LOXHD1: variants seen among roughly 807,000 people sequenced by gnomAD.
The protein encoded by LOXHD1 is lipoxygenase homology PLAT domains 1.
In LOXHD1, 205 loss-of-function variants were observed where a neutral mutation model predicts 248.2. The observed-to-expected ratio is 0.83, with a 90% CI of 0.74 to 0.93. LOXHD1 has a LOEUF of 0.93. Among genes scored for constraint, LOXHD1 ranks in the 40% least tolerant of loss-of-function variants. The pLI, the probability that LOXHD1 is intolerant of heterozygous loss-of-function variation, is 0.00. For missense variants in LOXHD1, 2,930 were observed against 2,971.6 expected (o/e 0.99, Z 0.33); for synonymous variants, 1,113 against 1,162.8 (o/e 0.96, Z 0.87).
In LOXHD1 at chr18:46,535,822, C is replaced by T. The variant is rs556747417; in HGVS notation, c.4096-1371G>A. 3.3e-5 allele frequency among the ~76,000 whole-genome samples: 5 copies of T among 152,296 alleles called. No homozygotes were observed. In the East Asian group the frequency reaches 7.7e-4, roughly 24 times the overall value. ...CTGACCTCAGGTGATCCACCCACCT[C>T]GGCCTCCCAAAGTGCTGGCATTACA... On this transcript the variant is annotated intron_variant, in intron 26 of 40. Transcript: ENST00000642948.
chr18:46,543,232 T>C (rs1235484839), intron 23 of LOXHD1, among the ~76,000 whole-genome samples: 1 of 152,162 alleles, frequency 6.6e-6, no homozygotes, highest in Non-Finnish European at 1.5e-5. Context: ...TGCATCCTCA[T>C]AGCTTAGCTC....
At chr18:46,639,546 C>A in intron 4 of LOXHD1, 70 bp downstream of exon 4, 2 of 1,494,080 alleles carry the variant, frequency 1.3e-6, no homozygotes, top group Non-Finnish European at 9.0e-7. Flanking sequence ...GCAAGACAGG[C>A]ACGATTCTTT....
chr18:46,576,594 C>A (rs2144126242), intron 14 of LOXHD1, among the ~76,000 whole-genome samples: 1 of 152,352 alleles, frequency 6.6e-6, no homozygotes, highest in East Asian at 1.9e-4. Context: ...GGCCTGCCCT[C>A]TGTTAGTGCC....
chr18:46,487,528 G>A (rs1397264576), intron 38 of LOXHD1, among the ~76,000 whole-genome samples: 5 of 152,224 alleles, frequency 3.3e-5, no homozygotes, highest in African/African-American at 1.2e-4. Flanking sequence ...CAGGCCCACG[G>A]TTTACGCTGA....
At chr18:46,545,690 C>T (rs1319828509) in intron 22 of LOXHD1, among the ~76,000 whole-genome samples, 8 of 125,258 alleles carry the variant, frequency 6.4e-5, no homozygotes, top group Admixed American at 9.0e-5. Flanking sequence ...AGTGCAGTGG[C>T]GGGATCTCGG....
chr18:46,552,154 T>A (rs1340733664), intron 21 of LOXHD1, among the ~76,000 whole-genome samples: 2 of 152,230 alleles, frequency 1.3e-5, no homozygotes, highest in Admixed American at 6.5e-5. Flanking sequence ...TACTTAACAC[T>A]ATTGAACTGT....
chr18:46,654,903 A>T (rs1956528113), intron 1 of LOXHD1, among the ~76,000 whole-genome samples: 1 of 152,202 alleles, frequency 6.6e-6, no homozygotes, highest in South Asian at 2.1e-4. Flanking sequence ...CCACAGTCAA[A>T]ATCGGGCAGT....
chr18:46,635,829 T>A (rs1256904114), intron 4 of LOXHD1, among the ~76,000 whole-genome samples: 1 of 152,184 alleles, frequency 6.6e-6, no homozygotes, highest in Non-Finnish European at 1.5e-5. Flanking sequence ...CAAGCAGTAC[T>A]TGAATCAGGC....
intron 40 of LOXHD1, among the ~76,000 whole-genome samples, chr18:46,480,706 A>G (rs2032488593): frequency 6.6e-6 from 1 of 152,208 alleles, no homozygotes; most frequent in Non-Finnish European, 1.5e-5. Context: ...AAAAAGTGAT[A>G]CATATTCAAA....
chr18:46,540,205 A>G (rs1310837289), intron 25 of LOXHD1, among the ~76,000 whole-genome samples: 1 of 152,156 alleles, frequency 6.6e-6, no homozygotes. Context: ...TTGAACTCAA[A>G]CCCAGGCTTG....
chr18:46,524,109 GTCCCC>G (rs1237254504), intron 31 of LOXHD1, among the ~76,000 whole-genome samples: 7 of 152,262 alleles, frequency 4.6e-5, no homozygotes, highest in African/African-American at 1.7e-4. Flanking sequence ...TGGAACTTCA[GTCCCC>G]AAATGACCAT....
chr18:46,522,251 G>T lies in LOXHD1; in HGVS notation c.4935C>A (p.Ser1645Arg), dbSNP rs1456133105. The T allele has an allele frequency of 2.6e-6, 4 of 1,551,846 alleles. No homozygotes were observed. In the Admixed American group the frequency reaches 7.8e-5, roughly 30 times the overall value. ...TGKHKDAATDSRAFIFLIGED... is the reference protein window; with the variant it reads ...TGKHKDAATDRRAFIFLIGED... Reference sequence around the variant, plus strand: ...CCCCGATGAGAAAGATGAAGGCTCGGCTGTCAGTGGCCGCGTCCTTGTGCT... The same window carrying T: ...CCCCGATGAGAAAGATGAAGGCTCGTCTGTCAGTGGCCGCGTCCTTGTGCT... Residue 1645 changes from serine (S) to arginine (R), a missense_variant, in exon 32 of 41, where the codon AGC becomes AGA. Coordinates refer to ENST00000642948, the MANE Select transcript of LOXHD1 (RefSeq NM_001384474.1).
chr18:46,522,055 C>G, intron 32 of LOXHD1, 46 bp downstream of exon 32: 1 of 1,383,578 alleles, frequency 7.2e-7, no homozygotes, highest in Non-Finnish European at 9.8e-7. Flanking sequence ...TCAGCTCTGT[C>G]TATCCCTAGG....
chr18:46,654,261 T>C (rs962235190), intron 1 of LOXHD1, among the ~76,000 whole-genome samples: 1 of 152,260 alleles, frequency 6.6e-6, no homozygotes, highest in Non-Finnish European at 1.5e-5. Flanking sequence ...TCAGGTATTC[T>C]GGCATAGCAG....
intron 2 of LOXHD1, among the ~76,000 whole-genome samples, chr18:46,645,193 T>C (rs1049386968): frequency 6.6e-6 from 1 of 152,150 alleles, no homozygotes; most frequent in Non-Finnish European, 1.5e-5. Context: ...TTCAGAAAAC[T>C]GGGGGTAGGA....
intron 4 of LOXHD1, among the ~76,000 whole-genome samples, chr18:46,632,127 A>T (rs180907974): frequency 6.6e-6 from 1 of 152,284 alleles, no homozygotes; most frequent in Admixed American, 6.5e-5. Flanking sequence ...GGATAATAAT[A>T]GCCGCTACTT....
intron 34 of LOXHD1, among the ~76,000 whole-genome samples, chr18:46,516,715 CTCA>C (rs1188276506): frequency 7.3e-5 from 11 of 151,492 alleles, no homozygotes; most frequent in South Asian, 2.1e-4. Flanking sequence ...TATCACTGCC[CTCA>C]TCATCATAAT....
At chr18:46,535,586 T>G (rs1412784566) in intron 26 of LOXHD1, among the ~76,000 whole-genome samples, 1 of 79,612 alleles carries the variant, frequency 1.3e-5, no homozygotes, top group Admixed American at 1.1e-4. Context: ...CTGTTTTTGT[T>G]GTTGTTGTTG....
intron 17 of LOXHD1, among the ~76,000 whole-genome samples, chr18:46,565,431 A>G (rs2037619883): frequency 6.6e-6 from 1 of 152,100 alleles, no homozygotes; most frequent in African/African-American, 2.4e-5. Context: ...GCATTATCCT[A>G]TTATTGTCTG....
Sources: allele counts gnomAD v4.1 joint callset (sites outside exome capture counted in the v4.1 genomes callset), GRCh38; gene constraint gnomAD v4.1.1; transcripts MANE v1.5; gene names NCBI Gene and HGNC (gene_info 2026-07-23, HGNC 2026-07-21).